POLN: variants seen among roughly 807,000 people sequenced by gnomAD.
The protein encoded by POLN is DNA polymerase N.
POLN carries 108 observed loss-of-function variants against 113.5 expected under a neutral mutation model. The ratio of observed to expected loss-of-function variants is 0.95; its 90% CI spans 0.81 to 1.12. POLN has a LOEUF of 1.12. Ranked by LOEUF, POLN falls within the 50% of genes most tolerant of loss-of-function variation. The pLI is 0.00. For missense variants in POLN, 1,097 were observed against 1,077.1 expected (o/e 1.02, Z -0.26); for synonymous variants, 386 against 391.5 (o/e 0.99, Z 0.17).
intron 16 of POLN, among the ~76,000 whole-genome samples, chr4:2,151,932 C>A (rs1352076760): frequency 6.6e-6 from 1 of 152,094 alleles, no homozygotes; most frequent in Non-Finnish European, 1.5e-5. Context: ...GGACCAGAAG[C>A]AATAACTTTC....
chr4:2,218,696 A>G (rs140917840), intron 3 of POLN, among the ~76,000 whole-genome samples: 2 of 152,342 alleles, frequency 1.3e-5, no homozygotes, highest in Non-Finnish European at 1.5e-5. Flanking sequence ...TATATTGTCC[A>G]TTCAGAGTGA....
intron 16 of POLN, among the ~76,000 whole-genome samples, chr4:2,152,976 C>T (rs1732330855): frequency 6.6e-6 from 1 of 152,244 alleles, no homozygotes; most frequent in Non-Finnish European, 1.5e-5. Flanking sequence ...TCAGTAATTT[C>T]ATACCTGAAA....
At chr4:2,163,471 G>A (rs73199205) in intron 13 of POLN, among the ~76,000 whole-genome samples, 6,099 of 152,336 alleles carry the variant, frequency 0.04, 165 homozygotes, top group Middle Eastern at 0.051. Flanking sequence ...GAGGTGGAGC[G>A]CCATCAGCCA....
At chr4:2,121,543 T>C (rs1032604668) in intron 19 of POLN, among the ~76,000 whole-genome samples, 1 of 151,884 alleles carries the variant, frequency 6.6e-6, no homozygotes, top group Non-Finnish European at 1.5e-5. Context: ...TAAATAGTTA[T>C]AGGAATATTT....
At chr4:2,183,421 G>T (rs1577749046) in intron 7 of POLN, among the ~76,000 whole-genome samples, 1 of 152,086 alleles carries the variant, frequency 6.6e-6, no homozygotes, top group African/African-American at 2.4e-5. Flanking sequence ...ACTGATGAAT[G>T]AACAAAATAT....
Position 2,208,361 on chromosome 4 carries a change from G to C in POLN, c.340C>G (p.Leu114Val). The C allele has an allele frequency of 3.1e-6, 5 of 1,613,622 alleles. 1 individual carries two copies. The South Asian group carries it at 5.5e-5, about 18-fold the overall frequency. ...QKQKSISSLT[L>V]SSCLIPQYNQ... ...TACTGTGGAATTAAACAACTTGAAA[G>C]AGTCAATGAGCTGATGCTCTTCTGT... Residue 114 changes from leucine to valine, a missense_variant, in exon 5 of 26, where the codon CTT becomes GTT. By Grantham distance (32) the Leu-to-Val change is conservative. Coordinates refer to ENST00000511885, the MANE Select transcript of POLN (RefSeq NM_181808.4).
At chr4:2,107,920 G>A (rs1363623266) in intron 19 of POLN, among the ~76,000 whole-genome samples, 1 of 152,208 alleles carries the variant, frequency 6.6e-6, no homozygotes, top group Non-Finnish European at 1.5e-5. Context: ...CCATAAGCCA[G>A]GCACTGGGCC....
At chr4:2,139,892 GAGC>G (rs1731954020) in intron 16 of POLN, 1 of 3,660 alleles carries the variant, frequency 2.7e-4, no homozygotes, top group African/African-American at 4.8e-4. Context: ...AAGAAAGGCA[GAGC>G]TCTCCATCTG....
intron 2 of POLN, chr4:2,230,775 T>C (rs929168168): frequency 5.3e-5 from 8 of 152,122 alleles, no homozygotes; most frequent in Admixed American, 2.0e-4. Flanking sequence ...AAAGCTCACA[T>C]GGTATTTACC....
At chr4:2,157,969 G>A in intron 14 of POLN, 58 bp from the exon 15 acceptor site, 2 of 1,395,400 alleles carry the variant, frequency 1.4e-6, no homozygotes, top group Non-Finnish European at 2.0e-6. Flanking sequence ...TTTTTTGTGG[G>A]GGGAAGGAGT....
At chr4:2,197,816 G>A (rs896870647) in intron 6 of POLN, among the ~76,000 whole-genome samples, 11 of 152,164 alleles carry the variant, frequency 7.2e-5, no homozygotes, top group Admixed American at 3.9e-4. Flanking sequence ...AACTTCCTCC[G>A]GAGCTGCCTT....
rs529490544 is a variant in POLN, at chr4:2,090,602, T to C, written c.2066-4858A>G. The C allele has an allele frequency of 3.6e-5, 16 of 440,962 alleles. No homozygotes were observed. In the South Asian group the frequency reaches 4.1e-4, roughly 11 times the overall value. 27.3% of individuals were successfully genotyped at this position (440,962 alleles called of 1,614,324 possible). A position where few individuals can be genotyped will look rare whatever the true frequency, so the allele number is the denominator to read the frequency against. Reference sequence around the variant, plus strand: ...TCATCGCAGTCACAGCCTCGAACATTCCGATGCTGGGCCATGACGGTGGAG... The same window carrying C: ...TCATCGCAGTCACAGCCTCGAACATCCCGATGCTGGGCCATGACGGTGGAG... On this transcript the variant is annotated intron_variant, in intron 20 of 25. Coordinates refer to ENST00000511885, the MANE Select transcript of POLN (RefSeq NM_181808.4).
At chr4:2,204,109 C>CAAAAAAAAAAAA (rs566255148) in intron 5 of POLN, among the ~76,000 whole-genome samples, 5 of 53,234 alleles carry the variant, frequency 9.4e-5, no homozygotes, top group Admixed American at 2.2e-4. Context: ...AACTCTATCA[C>CAAAAAAAAAAAA]AAAAAAAAAA....
chr4:2,159,597 A>G (rs903959506), intron 13 of POLN, among the ~76,000 whole-genome samples: 2 of 152,194 alleles, frequency 1.3e-5, no homozygotes, highest in Non-Finnish European at 2.9e-5. Flanking sequence ...AAAATATAAC[A>G]TACCTATAGG....
chr4:2,146,780 A>G (rs976309194), intron 16 of POLN, among the ~76,000 whole-genome samples: 1 of 152,198 alleles, frequency 6.6e-6, no homozygotes, highest in African/African-American at 2.4e-5. Flanking sequence ...GGGCAGAAAA[A>G]GTATCTCGAC....
chr4:2,210,164 C>A (rs1682485654), intron 4 of POLN, among the ~76,000 whole-genome samples: 1 of 151,670 alleles, frequency 6.6e-6, no homozygotes, highest in Non-Finnish European at 1.5e-5. Flanking sequence ...CAAGAGTAGG[C>A]TTTCAAGCAT....
intron 13 of POLN, among the ~76,000 whole-genome samples, chr4:2,170,464 C>G (rs1399190583): frequency 6.6e-6 from 1 of 152,160 alleles, no homozygotes; most frequent in Non-Finnish European, 1.5e-5. Context: ...GGAAGTCAAG[C>G]CAATTAACTG....
At chr4:2,176,805 A>G (rs1455948832) in intron 8 of POLN, among the ~76,000 whole-genome samples, 1 of 152,096 alleles carries the variant, frequency 6.6e-6, no homozygotes, top group South Asian at 2.1e-4. Context: ...GCCCTGGGAG[A>G]TGACAAACAA....
chr4:2,075,615 G>A, intron 23 of POLN, 96 bp from the exon 24 acceptor site: 1 of 1,327,966 alleles, frequency 7.5e-7, no homozygotes, highest in East Asian at 2.3e-5. Context: ...TGGGAGGCCA[G>A]GACTGTGAGG....
Sources: gnomAD v4.1 joint callset for allele counts (sites outside exome capture counted in the v4.1 genomes callset) on GRCh38, gnomAD v4.1.1 for gene constraint, MANE v1.5 for transcripts, NCBI Gene and HGNC (gene_info 2026-07-23, HGNC 2026-07-21) for gene names.